Variants in ERC2 observed in about 807,000 individuals in gnomAD.
ERC2 encodes the protein ELKS/RAB6-interacting/CAST family member 2, also known as ERC protein 2.
ERC2 carries 42 observed loss-of-function variants against 114.8 expected under a neutral mutation model. The observed-to-expected ratio is 0.37, with a 90% confidence interval of 0.29 to 0.47. ERC2 has a LOEUF of 0.47. ERC2 is among the 20% of genes least tolerant of loss of function. ERC2 has a pLI of 0.99. For synonymous variants in ERC2, 454 were observed against 425.5 expected (o/e 1.07, Z -0.82); for missense variants, 939 against 1,150.7 (o/e 0.82, Z 2.66).
chr3:56,132,139 A>C lies in ERC2; in HGVS notation c.1473+7370T>G, dbSNP rs370846388. 6.6e-5 allele frequency among the ~76,000 whole-genome samples: 10 copies of C among 152,292 alleles called. No individual in the cohort carries two copies. In the East Asian group the frequency reaches 1.7e-3, roughly 26 times the overall value. On this transcript the variant is annotated intron_variant, in intron 6 of 17. Coordinates refer to ENST00000288221, the MANE Select transcript of ERC2 (RefSeq NM_015576.3). ...AGTTTGCAAAGCCCCGTGTGAATGC[A>C]TACAGTCCCACAGTCCCTGGAGGCC... is the stretch of plus-strand genomic sequence containing the variant.
chr3:56,077,270 G>A (rs998426269), intron 7 of ERC2, among the ~76,000 whole-genome samples: 3 of 152,146 alleles, frequency 2.0e-5, no homozygotes, highest in African/African-American at 7.2e-5. Context: ...GAGCTCCTGT[G>A]GCTTTGCTAC....
chr3:55,622,603 C>T (rs1031772474), intron 17 of ERC2, among the ~76,000 whole-genome samples: 2 of 152,060 alleles, frequency 1.3e-5, no homozygotes, highest in Non-Finnish European at 2.9e-5. Flanking sequence ...ACACAGGAAT[C>T]AGAGTAGCAG....
chr3:56,401,311 A>C (rs964308045), intron 2 of ERC2, among the ~76,000 whole-genome samples: 4 of 152,368 alleles, frequency 2.6e-5, no homozygotes, highest in East Asian at 1.9e-4. Context: ...TTTTCAAGAA[A>C]GAGTAAAAGA....
At chr3:56,256,437 G>A (rs1473545520) in intron 3 of ERC2, among the ~76,000 whole-genome samples, 1 of 152,178 alleles carries the variant, frequency 6.6e-6, no homozygotes, top group East Asian at 1.9e-4. Context: ...CCAGGTATTT[G>A]AGACAGATTT....
intron 3 of ERC2, among the ~76,000 whole-genome samples, chr3:56,219,674 GAA>G (rs35098698): frequency 2.4e-5 from 3 of 123,084 alleles, no homozygotes; most frequent in African/African-American, 6.3e-5. Context: ...GCTCAAGTGC[GAA>G]AAAAAAAAAA....
At chr3:56,356,251 C>G (rs1425353762) in intron 2 of ERC2, among the ~76,000 whole-genome samples, 3 of 152,200 alleles carry the variant, frequency 2.0e-5, no homozygotes, top group African/African-American at 7.2e-5. Context: ...TCTGACTTCT[C>G]AAATACAATT....
chr3:55,808,985 A>T (rs574382797), intron 14 of ERC2, among the ~76,000 whole-genome samples: 13 of 151,864 alleles, frequency 8.6e-5, no homozygotes, highest in Admixed American at 5.9e-4. Context: ...TGGTATGAAC[A>T]AGTAAGATAT....
At chr3:55,832,422 C>T (rs964085216) in intron 14 of ERC2, among the ~76,000 whole-genome samples, 4 of 152,306 alleles carry the variant, frequency 2.6e-5, no homozygotes, top group Middle Eastern at 3.4e-3. Context: ...TCCAGAGGAA[C>T]GATCAGACAG....
intron 14 of ERC2, among the ~76,000 whole-genome samples, chr3:55,752,225 G>A (rs1369161402): frequency 6.6e-6 from 1 of 152,156 alleles, no homozygotes; most frequent in African/African-American, 2.4e-5. Context: ...AAAAGAAAAA[G>A]GGACAGCTAT....
intron 6 of ERC2, among the ~76,000 whole-genome samples, chr3:56,093,282 T>C (rs2077890723): frequency 6.6e-6 from 1 of 152,220 alleles, no homozygotes; most frequent in Non-Finnish European, 1.5e-5. Flanking sequence ...TGTAAATAAC[T>C]CTTATAAATC....
Position 55,875,722 on chromosome 3 carries a change from ACACT to A in ERC2, c.2564+12663_2564+12666del, listed in dbSNP as rs1285776485. Reference sequence around the variant, plus strand: ...CACACACACACACACACACACACACACACTCTCTCTCTCTCACCCCTCTTCCCAC... The same window carrying A: ...CACACACACACACACACACACACACACTCTCTCTCTCACCCCTCTTCCCAC... On this transcript the variant is annotated intron_variant, in intron 14 of 17. Coordinates refer to ENST00000288221, the MANE Select transcript of ERC2 (RefSeq NM_015576.3). 2.3e-3 allele frequency among the ~76,000 whole-genome samples: 335 copies of A among 143,684 alleles called. 2 individuals carry two copies. Among genetic ancestry groups the A allele is most frequent in the African/African-American group, 9.1e-3 (319 of 35,224 alleles). The allele number at this position is 143,684 out of a possible 152,430, so 94.3% of individuals were successfully genotyped here.
intron 14 of ERC2, among the ~76,000 whole-genome samples, chr3:55,746,233 T>C (rs901548384): frequency 2.0e-5 from 3 of 151,836 alleles, no homozygotes; most frequent in Admixed American, 6.6e-5. Context: ...TAAGGTTCTG[T>C]GGAGTGGATT....
At chr3:55,725,119 G>T (rs1459129462) in intron 15 of ERC2, among the ~76,000 whole-genome samples, 1 of 152,168 alleles carries the variant, frequency 6.6e-6, no homozygotes, top group Non-Finnish European at 1.5e-5. Flanking sequence ...ATTCTGATAT[G>T]CTCTGCCAAC....
chr3:55,714,690 T>TACAC (rs1559539171), intron 15 of ERC2, among the ~76,000 whole-genome samples: 15 of 129,988 alleles, frequency 1.2e-4, no homozygotes, highest in Admixed American at 2.3e-4. Flanking sequence ...TATATATATA[T>TACAC]ATATATATAT....
intron 17 of ERC2, among the ~76,000 whole-genome samples, chr3:55,539,433 T>TTTTTTTTTTTTTTTG: frequency 8.2e-6 from 1 of 121,694 alleles, no homozygotes; most frequent in African/African-American, 2.9e-5. Context: ...TTTTTTTTTT[T>TTTTTTTTTTTTTTTG]TTTTTTTTTG....
chr3:55,657,768 ATTTCTT>A (rs1421411708), intron 17 of ERC2: 6 of 152,180 alleles, frequency 3.9e-5, no homozygotes, highest in Admixed American at 1.3e-4. Context: ...CCCTGGATGT[ATTTCTT>A]AACTTCTCTG....
intron 2 of ERC2, among the ~76,000 whole-genome samples, chr3:56,337,466 T>C (rs1222637969): frequency 6.6e-6 from 1 of 152,188 alleles, no homozygotes; most frequent in Non-Finnish European, 1.5e-5. Context: ...GGGTCCTCAT[T>C]TGCAAAATGA....
chr3:56,117,485 TGAG>T (rs936319856), intron 6 of ERC2, among the ~76,000 whole-genome samples: 14 of 152,176 alleles, frequency 9.2e-5, no homozygotes, highest in Non-Finnish European at 1.9e-4. Flanking sequence ...TCAACAATCA[TGAG>T]GAGCATGAGT....
At chr3:55,722,449 G>A (rs1313747972) in intron 15 of ERC2, among the ~76,000 whole-genome samples, 6 of 152,100 alleles carry the variant, frequency 3.9e-5, no homozygotes, top group East Asian at 1.9e-4. Flanking sequence ...GTGCTTTCCC[G>A]GGCAGGGTAT....
Sources: allele counts gnomAD v4.1 joint callset (sites outside exome capture counted in the v4.1 genomes callset), GRCh38; gene constraint gnomAD v4.1.1; transcripts MANE v1.5; gene names NCBI Gene and HGNC (gene_info 2026-07-23, HGNC 2026-07-21).